SLC8A1: variants seen among roughly 807,000 people sequenced by gnomAD.
SLC8A1 encodes solute carrier family 8 member A1.
A neutral mutation model predicts 68.3 loss-of-function variants in SLC8A1; 18 were observed. The observed-to-expected ratio is 0.26, with a 90% CI of 0.18 to 0.39. The LOEUF (loss-of-function observed/expected upper bound fraction) is 0.39. SLC8A1 is among the 10% of genes least tolerant of loss of function. SLC8A1 has a pLI of 1.00. For missense variants in SLC8A1, 985 were observed against 1,156.7 expected (o/e 0.85, Z 2.15); for synonymous variants, 475 against 415.5 (o/e 1.14, Z -1.74).
chr2:40,280,366 C>G (rs1424915225), intron 2 of SLC8A1, among the ~76,000 whole-genome samples: 1 of 151,698 alleles, frequency 6.6e-6, no homozygotes, highest in Non-Finnish European at 1.5e-5. Flanking sequence ...TAACAAAAAC[C>G]CATTTTCTGA....
chr2:40,225,057 C>G (rs528663328), intron 2 of SLC8A1, among the ~76,000 whole-genome samples: 77 of 152,202 alleles, frequency 5.1e-4, no homozygotes, highest in African/African-American at 1.8e-3. Flanking sequence ...ACAACAGCTT[C>G]CCTGAAGGTT....
intron 2 of SLC8A1, among the ~76,000 whole-genome samples, chr2:40,207,932 G>A (rs1253468460): frequency 6.6e-6 from 1 of 152,066 alleles, no homozygotes; most frequent in African/African-American, 2.4e-5. Flanking sequence ...AAAGTATGCT[G>A]CAGCTCTGGG....
intron 1 of SLC8A1, among the ~76,000 whole-genome samples, chr2:40,509,671 C>G (rs192676426): frequency 3.3e-5 from 5 of 152,146 alleles, no homozygotes; most frequent in African/African-American, 1.2e-4. Context: ...CCACAGCTAT[C>G]CAGACAGGTC....
intron 2 of SLC8A1, among the ~76,000 whole-genome samples, chr2:40,403,147 T>G (rs1380369237): frequency 6.6e-6 from 1 of 152,222 alleles, no homozygotes; most frequent in Non-Finnish European, 1.5e-5. Flanking sequence ...AAGTTAATCC[T>G]CATTGAATAT....
chr2:40,157,404 C>T (rs2044751117), intron 6 of SLC8A1, among the ~76,000 whole-genome samples: 1 of 152,124 alleles, frequency 6.6e-6, no homozygotes, highest in Admixed American at 6.5e-5. Context: ...GGCAGGGACA[C>T]AAACCCACAC....
At chr2:40,351,284 A>G (rs942682550) in intron 2 of SLC8A1, among the ~76,000 whole-genome samples, 4 of 152,146 alleles carry the variant, frequency 2.6e-5, no homozygotes, top group African/African-American at 9.7e-5. Context: ...GATTTGAAAC[A>G]TGCCATGGAT....
intron 2 of SLC8A1, among the ~76,000 whole-genome samples, chr2:40,326,297 T>C (rs190511051): frequency 3.5e-4 from 53 of 152,214 alleles, no homozygotes; most frequent in African/African-American, 8.7e-4. Context: ...CCTCCTACTT[T>C]TGGTACAGTG....
chr2:40,429,588 C>A (rs781291010), exon 2 of SLC8A1: 2 of 1,613,690 alleles, frequency 1.2e-6, no homozygotes, highest in Non-Finnish European at 1.7e-6. Context: ...CTTCCCAGAC[C>A]TCCACAACAC....
At chr2:40,421,217 C>A (rs1479395718) in intron 2 of SLC8A1, among the ~76,000 whole-genome samples, 1 of 152,098 alleles carries the variant, frequency 6.6e-6, no homozygotes, top group Non-Finnish European at 1.5e-5. Flanking sequence ...TCACTACCAC[C>A]ATTACCAATA....
intron 2 of SLC8A1, among the ~76,000 whole-genome samples, chr2:40,354,028 T>C (rs1671932305): frequency 6.6e-6 from 1 of 152,218 alleles, no homozygotes; most frequent in Admixed American, 6.5e-5. Flanking sequence ...ATTTTATTCT[T>C]GTGCAGATGT....
intron 7 of SLC8A1, among the ~76,000 whole-genome samples, chr2:40,133,132 T>C (rs533192894): frequency 6.6e-6 from 1 of 152,278 alleles, no homozygotes; most frequent in African/African-American, 2.4e-5. Context: ...GTCAAGAAAT[T>C]GGTTAAAGCC....
At chr2:40,218,567 C>T (rs999779079) in intron 2 of SLC8A1, among the ~76,000 whole-genome samples, 1 of 151,814 alleles carries the variant, frequency 6.6e-6, no homozygotes, top group African/African-American at 2.4e-5. Context: ...ATTAATTTTG[C>T]ACCAACCTAA....
At chr2:40,115,530 A>T in exon 8 of SLC8A1, 1 of 1,614,176 alleles carries the variant, frequency 6.2e-7, no homozygotes, top group Non-Finnish European at 8.5e-7. Context: ...GGCCACACCG[A>T]TTCCCAGGAA....
chr2:40,419,738 T>A (rs554808174), intron 2 of SLC8A1, among the ~76,000 whole-genome samples: 8 of 152,312 alleles, frequency 5.3e-5, no homozygotes, highest in African/African-American at 1.9e-4. Context: ...GCCCTAAGAA[T>A]TAAACCCTAT....
chr2:40,252,972 CAT>C (rs1281835741), intron 2 of SLC8A1, among the ~76,000 whole-genome samples: 66 of 73,552 alleles, frequency 9.0e-4, no homozygotes, highest in East Asian at 5.8e-3. Context: ...TATGTATGTA[CAT>C]ATATGTATCT....
At chr2:40,486,598 C>G (rs1704981876) in intron 1 of SLC8A1, among the ~76,000 whole-genome samples, 1 of 151,712 alleles carries the variant, frequency 6.6e-6, no homozygotes, top group Admixed American at 6.6e-5. Flanking sequence ...TTTTAAAACA[C>G]ACAGATAATA....
At chr2:40,377,687 T>C (rs1680361093) in intron 2 of SLC8A1, among the ~76,000 whole-genome samples, 1 of 152,042 alleles carries the variant, frequency 6.6e-6, no homozygotes, top group Non-Finnish European at 1.5e-5. Context: ...GGTCTTAGTC[T>C]CTAGATACGA....
At chr2:40,234,057 G>C (rs1006196778) in intron 2 of SLC8A1, among the ~76,000 whole-genome samples, 1 of 152,256 alleles carries the variant, frequency 6.6e-6, no homozygotes, top group Admixed American at 6.5e-5. Context: ...TGTTCTTTTG[G>C]CTTAGGACTG....
chr2:40,269,815 C>A (rs2065804177), intron 2 of SLC8A1, among the ~76,000 whole-genome samples: 1 of 151,380 alleles, frequency 6.6e-6, no homozygotes, highest in African/African-American at 2.4e-5. Context: ...TATTATTATA[C>A]TTTAAGTTTT....
Sources: allele counts gnomAD v4.1 joint callset (sites outside exome capture counted in the v4.1 genomes callset), GRCh38; gene constraint gnomAD v4.1.1; transcripts MANE v1.5; gene names NCBI Gene and HGNC (gene_info 2026-07-23, HGNC 2026-07-21).